Variants in NXPE2 observed in about 807,000 individuals in gnomAD.
NXPE2 encodes NXPE family member 2.
A neutral mutation model predicts 34.4 loss-of-function variants in NXPE2; 34 were observed. That is an observed-to-expected ratio of 0.99 (90% confidence interval 0.75 to 1.31). NXPE2 has a LOEUF of 1.31. Ranked by LOEUF, NXPE2 falls within the 40% of genes most tolerant of loss-of-function variation. NXPE2 has a pLI of 0.00. For synonymous variants in NXPE2, 235 were observed against 231.3 expected (o/e 1.02, Z -0.15); for missense variants, 649 against 672.5 (o/e 0.97, Z 0.39).
chr11:114,465,437 A>G, the NXPE2 span, among the ~76,000 whole-genome samples: 10 of 152,308 alleles, frequency 6.6e-5, no homozygotes, highest in Admixed American at 2.0e-4. Context: ...AAAAGACCTG[A>G]CAAAGCTAAG....
At chr11:114,619,340 GTAACCACTGTTACCCGGTAGATAA>G in the NXPE2 span, among the ~76,000 whole-genome samples, 2 of 152,084 alleles carry the variant, frequency 1.3e-5, no homozygotes, top group Non-Finnish European at 2.9e-5. Flanking sequence ...TGCCTTGTGT[GTAACCACTGTTACCCGGTAGATAA>G]TAAGTGTTGC....
chr11:114,537,582 G>C, the NXPE2 span, among the ~76,000 whole-genome samples: 2 of 152,170 alleles, frequency 1.3e-5, no homozygotes, highest in African/African-American at 4.8e-5. Context: ...CTTCAGCAAA[G>C]TCTCAGGATA....
At chr11:114,756,290 C>T in the NXPE2 span, among the ~76,000 whole-genome samples, 1 of 152,110 alleles carries the variant, frequency 6.6e-6, no homozygotes, top group African/African-American at 2.4e-5. Context: ...GGGCACAGGT[C>T]CCAGCCTTGC....
At chr11:114,571,972 CA>C in the NXPE2 span, among the ~76,000 whole-genome samples, 1 of 152,192 alleles carries the variant, frequency 6.6e-6, no homozygotes, top group Non-Finnish European at 1.5e-5. Context: ...AACAAAAACA[CA>C]ACCAAAGACC....
the NXPE2 span, chr11:114,571,369 A>G: frequency 6.2e-7 from 1 of 1,614,018 alleles, no homozygotes; most frequent in Non-Finnish European, 8.5e-7. Flanking sequence ...GATCCTATCA[A>G]GGGATAACAA....
chr11:114,659,448 A>T, the NXPE2 span, among the ~76,000 whole-genome samples: 1 of 151,962 alleles, frequency 6.6e-6, no homozygotes, highest in Admixed American at 6.6e-5. Flanking sequence ...AAAAGAGAAA[A>T]AAAGAGTGAA....
chr11:114,480,154 CATCCAAACCATACCACTGCCCAA>C, the NXPE2 span, among the ~76,000 whole-genome samples: 1 of 152,200 alleles, frequency 6.6e-6, no homozygotes, highest in South Asian at 2.1e-4. Context: ...GGGGGACACA[CATCCAAACCATACCACTGCCCAA>C]AGAAAGCCTC....
chr11:114,535,156 C>T, the NXPE2 span, among the ~76,000 whole-genome samples: 1 of 152,128 alleles, frequency 6.6e-6, no homozygotes, highest in East Asian at 1.9e-4. Flanking sequence ...AACTTTCAAC[C>T]CAGAATTTCA....
the NXPE2 span, among the ~76,000 whole-genome samples, chr11:114,623,543 G>A: frequency 6.6e-6 from 1 of 151,978 alleles, no homozygotes; most frequent in Non-Finnish European, 1.5e-5. Context: ...CTGTTACCTG[G>A]CAGATAATAC....
chr11:114,671,094 T>C, the NXPE2 span, among the ~76,000 whole-genome samples: 1 of 147,976 alleles, frequency 6.8e-6, no homozygotes, highest in Non-Finnish European at 1.5e-5. Context: ...TATAAATATA[T>C]ATAAACAAAA....
the NXPE2 span, among the ~76,000 whole-genome samples, chr11:114,808,819 G>A: frequency 6.6e-6 from 1 of 152,252 alleles, no homozygotes; most frequent in Non-Finnish European, 1.5e-5. Context: ...CAGAAAAAGA[G>A]GGAATCCTGC....
the NXPE2 span, among the ~76,000 whole-genome samples, chr11:114,598,424 G>A: frequency 7.2e-5 from 11 of 152,234 alleles, no homozygotes; most frequent in Non-Finnish European, 4.4e-5. Context: ...CTCTGTGTGG[G>A]GGCTCCAGCC....
the NXPE2 span, among the ~76,000 whole-genome samples, chr11:114,492,894 A>ATTGGGGTGT: frequency 6.6e-6 from 1 of 152,186 alleles, no homozygotes; most frequent in Non-Finnish European, 1.5e-5. Context: ...CAATGCTGAA[A>ATTGGGGTGT]TTGGGGTGTT....
the NXPE2 span, among the ~76,000 whole-genome samples, chr11:114,475,226 G>GATTTTTTT: frequency 1.1e-5 from 1 of 88,070 alleles, no homozygotes; most frequent in Non-Finnish European, 2.2e-5. Flanking sequence ...AATGTGAACT[G>GATTTTTTT]TTTTTTTTTT....
chr11:114,607,678 A>C, the NXPE2 span, among the ~76,000 whole-genome samples: 1 of 148,484 alleles, frequency 6.7e-6, no homozygotes, highest in Admixed American at 6.7e-5. Context: ...ATAAGTGTTG[A>C]GTTGCGGGTA....
the NXPE2 span, among the ~76,000 whole-genome samples, chr11:114,594,061 G>A: frequency 6.6e-6 from 1 of 152,186 alleles, no homozygotes; most frequent in South Asian, 2.1e-4. Context: ...AGTGGGGTTA[G>A]TTAATGAGTA....
the NXPE2 span, among the ~76,000 whole-genome samples, chr11:114,777,666 C>T: frequency 6.6e-6 from 1 of 152,126 alleles, no homozygotes; most frequent in Non-Finnish European, 1.5e-5. Flanking sequence ...TCCTGGCTTC[C>T]TTCCTTCCTT....
chr11:114,484,263 G>C, the NXPE2 span, among the ~76,000 whole-genome samples: 3 of 152,170 alleles, frequency 2.0e-5, no homozygotes, highest in Non-Finnish European at 4.4e-5. Context: ...AAAATTCCAA[G>C]TGGAAAGTGA....
intron 2 of NXPE2, among the ~76,000 whole-genome samples, chr11:114,685,530 A>T (rs558745804): frequency 9.7e-4 from 148 of 152,330 alleles, no homozygotes; most frequent in African/African-American, 3.5e-3. Context: ...TTAAGTTGTA[A>T]CATACAAATT....
Sources: gnomAD v4.1 joint callset for allele counts (sites outside exome capture counted in the v4.1 genomes callset) on GRCh38, gnomAD v4.1.1 for gene constraint, MANE v1.5 for transcripts, NCBI Gene and HGNC (gene_info 2026-07-23, HGNC 2026-07-21) for gene names.